Variants in RBFOX1 observed in about 807,000 individuals in gnomAD.
RBFOX1 encodes RNA binding protein fox-1 homolog 1.
RBFOX1 carries 8 observed loss-of-function variants against 57.7 expected under a neutral mutation model. The observed-to-expected ratio is 0.14, with a 90% CI of 0.08 to 0.25. The LOEUF (loss-of-function observed/expected upper bound fraction) is 0.25, where lower values mean the gene tolerates loss of function less well. RBFOX1 is among the 10% of genes least tolerant of loss of function. The pLI, the probability that RBFOX1 is intolerant of heterozygous loss-of-function variation, is 1.00. For missense variants in RBFOX1, 611 were observed against 548.5 expected (o/e 1.11, Z -1.14); for synonymous variants, 326 against 222.4 (o/e 1.47, Z -4.15).
chr16:6,410,168 C>CTGTGTGTGTGTGTG (rs3066618), intron 2 of RBFOX1, among the ~76,000 whole-genome samples: 77 of 147,050 alleles, frequency 5.2e-4, no homozygotes, highest in African/African-American at 1.0e-3. Context: ...CATCATAAGG[C>CTGTGTGTGTGTGTG]TGTGTGTGTG....
At chr16:6,590,983 T>G (rs899330393) in intron 2 of RBFOX1, among the ~76,000 whole-genome samples, 4 of 152,134 alleles carry the variant, frequency 2.6e-5, no homozygotes, top group African/African-American at 9.7e-5. Flanking sequence ...GACTACACTT[T>G]GGGAAGGTAC....
intron 1 of RBFOX1, among the ~76,000 whole-genome samples, chr16:6,215,754 G>C (rs979446783): frequency 5.9e-5 from 9 of 152,006 alleles, no homozygotes; most frequent in Non-Finnish European, 1.3e-4. Context: ...ACAGCTCTTC[G>C]AAAGCAAGTA....
intron 2 of RBFOX1, among the ~76,000 whole-genome samples, chr16:6,572,285 CA>C (rs1310813885): frequency 2.0e-5 from 3 of 152,140 alleles, no homozygotes; most frequent in Non-Finnish European, 4.4e-5. Flanking sequence ...AGAATAAACC[CA>C]TGACTCTTCC....
intron 5 of RBFOX1, among the ~76,000 whole-genome samples, chr16:7,521,195 T>G (rs961462506): frequency 2.0e-5 from 3 of 152,274 alleles, no homozygotes; most frequent in Admixed American, 2.0e-4. Context: ...GTCTTAAAGT[T>G]GGAAAGATCT....
At chr16:7,158,462 C>G (rs1567504167) in intron 4 of RBFOX1, among the ~76,000 whole-genome samples, 1 of 152,140 alleles carries the variant, frequency 6.6e-6, no homozygotes, top group African/African-American at 2.4e-5. Context: ...ATGCAATCTC[C>G]TGACCTTTTT....
chr16:6,128,579 G>A (rs902287282), intron 1 of RBFOX1, among the ~76,000 whole-genome samples: 3 of 152,226 alleles, frequency 2.0e-5, no homozygotes, highest in Non-Finnish European at 4.4e-5. Flanking sequence ...CTGAGCTGAA[G>A]ATTTGAAGAG....
At chr16:7,534,054 T>G (rs1340175713) in intron 5 of RBFOX1, among the ~76,000 whole-genome samples, 1 of 151,716 alleles carries the variant, frequency 6.6e-6, no homozygotes, top group Non-Finnish European at 1.5e-5. Flanking sequence ...GATCCAGCCC[T>G]GATTCATGTC....
chr16:5,990,866 C>T (rs534324873), intron 4 of RBFOX1, among the ~76,000 whole-genome samples: 38 of 152,136 alleles, frequency 2.5e-4, no homozygotes, highest in Non-Finnish European at 4.6e-4. Flanking sequence ...CCCATCTACT[C>T]GGGAGGCTGA....
chr16:6,109,597 T>C (rs114263320), intron 1 of RBFOX1, among the ~76,000 whole-genome samples: 2,758 of 152,290 alleles, frequency 0.018, 79 homozygotes, highest in African/African-American at 0.063. Flanking sequence ...CACTTAAAAA[T>C]ACATTTGCAG....
chr16:7,344,755 G>A (rs1258813854), intron 4 of RBFOX1, among the ~76,000 whole-genome samples: 3 of 152,150 alleles, frequency 2.0e-5, no homozygotes, highest in Non-Finnish European at 4.4e-5. Flanking sequence ...ACTGGGGAAG[G>A]GCAGACCAGC....
Position 7,681,683 on chromosome 16 carries a change from TAAG to T in RBFOX1, c.995+4850_995+4852del, listed in dbSNP as rs1287345889. Among the ~76,000 whole-genome samples, 14 of 152,290 alleles carry T rather than the reference TAAG, an allele frequency of 9.2e-5. No homozygotes were observed. The East Asian group carries it at 2.5e-3, about 27-fold the overall frequency. ...TATTTTTGTAGGAAGGTTAATTTTTTAAGAAGATGTTGTATTTTATGGACATTA... is the reference window on the plus strand; with the variant it reads ...TATTTTTGTAGGAAGGTTAATTTTTTAAGATGTTGTATTTTATGGACATTA... On this transcript the variant is annotated intron_variant, in intron 14 of 15. Transcript: ENST00000550418.
intron 4 of RBFOX1, among the ~76,000 whole-genome samples, chr16:7,196,408 C>G (rs539229870): frequency 6.6e-6 from 1 of 152,148 alleles, no homozygotes; most frequent in Non-Finnish European, 1.5e-5. Context: ...TGCTTAGCAG[C>G]ACAAAATCAA....
intron 4 of RBFOX1, among the ~76,000 whole-genome samples, chr16:7,164,916 A>T (rs1212328298): frequency 6.6e-6 from 1 of 152,218 alleles, no homozygotes; most frequent in Non-Finnish European, 1.5e-5. Flanking sequence ...TCTTGAATTA[A>T]TGCTTTGAAT....
intron 4 of RBFOX1, chr16:7,304,482 G>C (rs984926221): frequency 3.2e-5 from 32 of 985,190 alleles, no homozygotes; most frequent in Non-Finnish European, 3.9e-5. Flanking sequence ...TGTACTTACA[G>C]CAGGTAAGGC....
intron 2 of RBFOX1, among the ~76,000 whole-genome samples, chr16:5,515,156 A>G (rs2043744601): frequency 6.6e-6 from 1 of 152,214 alleles, no homozygotes; most frequent in Non-Finnish European, 1.5e-5. Flanking sequence ...AACACCTCCC[A>G]CTTCAATACC....
chr16:6,795,873 CT>C (rs1310577790), intron 3 of RBFOX1, among the ~76,000 whole-genome samples: 2 of 152,050 alleles, frequency 1.3e-5, no homozygotes, highest in Non-Finnish European at 2.9e-5. Flanking sequence ...AAATCACCCC[CT>C]GCCTTCCCTT....
rs182989726 is a variant in RBFOX1, at chr16:6,214,326, A to C, written c.-126-102669A>C. Among the ~76,000 whole-genome samples the C allele has an allele frequency of 2.6e-3, 394 of 148,924 alleles. 2 individuals are homozygous for C. The highest frequency in any genetic ancestry group is 4.7e-3 in the Admixed American group (71 of 14,972). On this transcript the variant is annotated intron_variant, in intron 1 of 15. Transcript: ENST00000550418. ...AGGAGGGAGAGGGAGAAGGAGAGAG[A>C]GAGGGGGAGAGGGAGAAGGGGAGAT...
chr16:5,629,465 A>G (rs538950260), intron 3 of RBFOX1, among the ~76,000 whole-genome samples: 1 of 152,344 alleles, frequency 6.6e-6, no homozygotes, highest in East Asian at 1.9e-4. Context: ...TGTGGTCCTC[A>G]TGGACCCAAA....
chr16:6,436,840 G>T (rs1383363106), intron 2 of RBFOX1, among the ~76,000 whole-genome samples: 1 of 152,054 alleles, frequency 6.6e-6, no homozygotes. Flanking sequence ...TTATGGAAAA[G>T]GTCACATTTC....
Sources: gnomAD v4.1 joint callset for allele counts (sites outside exome capture counted in the v4.1 genomes callset) on GRCh38, gnomAD v4.1.1 for gene constraint, MANE v1.5 for transcripts, NCBI Gene and HGNC (gene_info 2026-07-23, HGNC 2026-07-21) for gene names.